Variants in ZNF33B observed in about 807,000 individuals in gnomAD.
ZNF33B encodes the protein zinc finger protein 33B.
ZNF33B carries 29 observed loss-of-function variants against 45.8 expected under a neutral mutation model. That is an observed-to-expected ratio of 0.63 (90% CI 0.47 to 0.86). The LOEUF (loss-of-function observed/expected upper bound fraction) is 0.86. ZNF33B is among the 40% of genes least tolerant of loss of function. ZNF33B has a pLI of 0.00. For synonymous variants in ZNF33B, 305 were observed against 307.8 expected (o/e 0.99, Z 0.10); for missense variants, 831 against 909.9 (o/e 0.91, Z 1.12).
intron 1 of ZNF33B, among the ~76,000 whole-genome samples, chr10:42,575,131 G>C (rs1479704823): frequency 1.3e-5 from 2 of 152,166 alleles, no homozygotes; most frequent in African/African-American, 4.8e-5. Flanking sequence ...CATTGACAAG[G>C]TCTTCTTTAT....
intron 3 of ZNF33B, 37 bp downstream of exon 3, chr10:42,632,258 G>T (rs1435821414): frequency 2.5e-6 from 4 of 1,579,722 alleles, no homozygotes; most frequent in Non-Finnish European, 3.4e-6. Flanking sequence ...CAAAATAAAC[G>T]AATGCTATTT....
At chr10:42,636,640 G>A (rs1392489076) in intron 2 of ZNF33B, among the ~76,000 whole-genome samples, 1 of 152,148 alleles carries the variant, frequency 6.6e-6, no homozygotes, top group Admixed American at 6.5e-5. Flanking sequence ...AGGGCAACAC[G>A]GTGAACACAT....
chr10:42,605,452 A>G lies in ZNF33B; in HGVS notation c.251-10753T>C, dbSNP rs534268078. ...GACATATTCAGTGTACTGAAAAAAA[A>G]TTTTTGTTAATAACTTGTCACCTAA... On this transcript the variant is annotated intron_variant, in intron 4 of 4. Coordinates refer to ENST00000359467, the MANE Select transcript of ZNF33B (RefSeq NM_006955.3). Among the ~76,000 whole-genome samples, 21 of 152,246 alleles carry G rather than the reference A, an allele frequency of 1.4e-4. No homozygotes were observed. The South Asian group carries it at 4.3e-3, about 32-fold the overall frequency.
Position 42,593,725 on chromosome 10 carries a change from C to G in ZNF33B, c.1225G>C (p.Gly409Arg). The change falls in exon 5 of 5, where the codon GGG becomes CGG. Residue 409 changes from glycine (G) to arginine (R), a missense_variant. By Grantham distance (125) the Gly-to-Arg change is moderately radical. Transcript: ENST00000359467. ...GCATTACACTGATAGGGTTTCTCCC[C>G]TGTATGTGTTCTCTGGTGTAATGTG... ...ALTLHQRTHTGEKPYQCNACG... is the reference protein window; with the variant it reads ...ALTLHQRTHTREKPYQCNACG... 1 of 1,613,608 alleles carries G rather than the reference C, an allele frequency of 6.2e-7. No individual in the cohort carries two copies. The highest frequency in any genetic ancestry group is 8.5e-7 in the Non-Finnish European group (1 of 1,179,688).
intron 4 of ZNF33B, among the ~76,000 whole-genome samples, chr10:42,603,100 A>G (rs1302979738): frequency 6.6e-6 from 1 of 152,216 alleles, no homozygotes; most frequent in Non-Finnish European, 1.5e-5. Flanking sequence ...CATTGAGAAG[A>G]GATTCCAAAA....
chr10:42,575,755 G>C (rs1203589885), intron 1 of ZNF33B, among the ~76,000 whole-genome samples: 1 of 145,040 alleles, frequency 6.9e-6, no homozygotes, highest in Non-Finnish European at 1.5e-5. Context: ...TTTTGAGACA[G>C]AGTCTCACTG....
intron 1 of ZNF33B, among the ~76,000 whole-genome samples, chr10:42,637,528 A>C (rs1428156261): frequency 6.6e-6 from 1 of 152,238 alleles, no homozygotes; most frequent in Non-Finnish European, 1.5e-5. Context: ...CTTAGGGGTC[A>C]GGAGAAGTGA....
downstream of ZNF33B, among the ~76,000 whole-genome samples, chr10:42,584,551 C>T (rs529638966): frequency 5.1e-4 from 77 of 151,124 alleles, no homozygotes; most frequent in African/African-American, 1.6e-3. Flanking sequence ...GACAGAGTTT[C>T]GCTCTTTCTC....
chr10:42,597,034 A>G (rs1391911210), intron 4 of ZNF33B, among the ~76,000 whole-genome samples: 3 of 151,974 alleles, frequency 2.0e-5, no homozygotes, highest in Admixed American at 1.3e-4. Context: ...AATTATATAC[A>G]ATGTCAATTG....
At chr10:42,622,725 G>C (rs1441698418) in intron 4 of ZNF33B, among the ~76,000 whole-genome samples, 1 of 152,174 alleles carries the variant, frequency 6.6e-6, no homozygotes, top group Non-Finnish European at 1.5e-5. Flanking sequence ...GCTTAATGGT[G>C]ATAGAGTTTC....
intron 4 of ZNF33B, among the ~76,000 whole-genome samples, chr10:42,616,339 A>G (rs1290210845): frequency 6.6e-6 from 1 of 152,210 alleles, no homozygotes; most frequent in African/African-American, 2.4e-5. Context: ...TATGTGAATT[A>G]TATCTCATAT....
intron 2 of ZNF33B, among the ~76,000 whole-genome samples, chr10:42,633,153 G>A (rs1255322047): frequency 1.3e-5 from 2 of 152,260 alleles, no homozygotes; most frequent in Admixed American, 6.5e-5. Flanking sequence ...TAGAAAGCCT[G>A]ACATTTTCTT....
intron 4 of ZNF33B, among the ~76,000 whole-genome samples, chr10:42,596,362 T>C (rs1837400172): frequency 6.6e-6 from 1 of 152,208 alleles, no homozygotes; most frequent in South Asian, 2.1e-4. Context: ...ACTTTTACTT[T>C]GATAATGAGT....
intron 4 of ZNF33B, among the ~76,000 whole-genome samples, chr10:42,622,849 G>T (rs1016457673): frequency 6.6e-6 from 1 of 152,140 alleles, no homozygotes; most frequent in Admixed American, 6.6e-5. Context: ...ACACAAAAAT[G>T]AACTGAAAAT....
At chr10:42,624,782 G>T (rs553594931) in intron 4 of ZNF33B, among the ~76,000 whole-genome samples, 1 of 152,090 alleles carries the variant, frequency 6.6e-6, no homozygotes, top group Non-Finnish European at 1.5e-5. Context: ...TCATGTCCTG[G>T]AACAGGACAG....
rs1342549470 is a variant in ZNF33B at position 42,594,205 on chromosome 10, A to G, written c.745T>C (p.Tyr249His). The change falls in exon 5 of 5, where the codon TAT (tyrosine) becomes CAT (histidine). Residue 249 changes from tyrosine to histidine, a missense_variant. Transcript: ENST00000359467. ...RENAEENNCD[Y>H]NEFGRTFCDS... The stretch of plus-strand genomic sequence containing the variant: ...CAGAAAGTTCTCCCAAATTCATTAT[A>G]GTCACAGTTATTCTCTTCTGCATTC... 6.2e-7 allele frequency: 1 copy of G among 1,613,644 alleles called. No individual in the cohort carries two copies. The highest frequency in any genetic ancestry group is 8.5e-7 in the Non-Finnish European group (1 of 1,179,932).
At chr10:42,638,036 G>A (rs1405815928) in intron 1 of ZNF33B, among the ~76,000 whole-genome samples, 4 of 152,224 alleles carry the variant, frequency 2.6e-5, no homozygotes, top group Non-Finnish European at 5.9e-5. Flanking sequence ...TGGGGTGATG[G>A]ACATGACTGG....
chr10:42,594,189 C>T lies in ZNF33B; in HGVS notation c.761G>A (p.Arg254Lys). The change falls in exon 5 of 5, where the codon AGA (arginine) becomes AAA (lysine). Residue 254 changes from arginine to lysine, a missense_variant. Arg to Lys is a conservative substitution (Grantham distance 26). Coordinates refer to ENST00000359467, the MANE Select transcript of ZNF33B (RefSeq NM_006955.3). ...GAGGGATGAACTATCACAGAAAGTTCTCCCAAATTCATTATAGTCACAGTT... is the reference window on the plus strand; with the variant it reads ...GAGGGATGAACTATCACAGAAAGTTTTCCCAAATTCATTATAGTCACAGTT... ...ENNCDYNEFGRTFCDSSSLLF... is the reference protein window; with the variant it reads ...ENNCDYNEFGKTFCDSSSLLF... 1 of 1,613,716 alleles carries T rather than the reference C, an allele frequency of 6.2e-7. No individual in the cohort carries two copies. The highest frequency in any genetic ancestry group is 8.5e-7 in the Non-Finnish European group (1 of 1,179,932).
intron 4 of ZNF33B, among the ~76,000 whole-genome samples, chr10:42,601,679 C>T (rs975043187): frequency 1.3e-5 from 2 of 151,464 alleles, no homozygotes; most frequent in Non-Finnish European, 2.9e-5. Flanking sequence ...TTGCCACGTT[C>T]GCCAAGATAG....
Sources: allele counts gnomAD v4.1 joint callset (sites outside exome capture counted in the v4.1 genomes callset), GRCh38; gene constraint gnomAD v4.1.1; transcripts MANE v1.5; gene names NCBI Gene and HGNC (gene_info 2026-07-23, HGNC 2026-07-21).